The following MICAL2 variants were observed in gnomAD, a reference collection of about 807,000 sequenced individuals.
MICAL2 encodes the protein microtubule associated monooxygenase, calponin and LIM domain containing 2, also known as [F-actin]-monooxygenase MICAL2.
MICAL2 carries 77 observed loss-of-function variants against 127.3 expected under a neutral mutation model. That is an observed-to-expected ratio of 0.60 (90% CI 0.50 to 0.73). The LOEUF is 0.73. Ranked by LOEUF, MICAL2 falls within the 30% of genes least tolerant of loss-of-function variation. The probability of loss-of-function intolerance (pLI) is 0.00; values close to 1 mark genes in which losing one functional copy is unlikely to be tolerated. For missense variants in MICAL2, 1,351 were observed against 1,434.4 expected, an observed-to-expected ratio of 0.94 and a Z score of 0.94; for synonymous variants, 570 against 551.1, an observed-to-expected ratio of 1.03 and a Z score of -0.48.
At chr11:12,242,871 C>A in intron 20 of MICAL2, 99 bp downstream of exon 20, 2 of 791,338 alleles carry the variant, frequency 2.5e-6, no homozygotes, top group South Asian at 3.9e-5. Flanking sequence ...CCTCCTTCCT[C>A]CTTTTAGAGC....
chr11:12,236,451 C>T (rs942236693), intron 16 of MICAL2, among the ~76,000 whole-genome samples: 2 of 152,218 alleles, frequency 1.3e-5, no homozygotes, highest in African/African-American at 4.8e-5. Context: ...GAAACACAAC[C>T]TCCCAGGATG....
At chr11:12,235,593 T>G (rs1475136119) in intron 15 of MICAL2, among the ~76,000 whole-genome samples, 1 of 152,242 alleles carries the variant, frequency 6.6e-6, no homozygotes, top group Admixed American at 6.5e-5. Flanking sequence ...TAAAATATTG[T>G]TTACTAGGAT....
intron 5 of MICAL2, among the ~76,000 whole-genome samples, chr11:12,208,813 T>G (rs1565165429): frequency 1.3e-5 from 2 of 152,208 alleles, no homozygotes; most frequent in African/African-American, 2.4e-5. Context: ...GGGACCAGCT[T>G]AGTGTCAGAG....
intron 27 of MICAL2, 84 bp downstream of exon 27, chr11:12,262,621 C>G (rs1863284541): frequency 8.8e-7 from 1 of 1,139,386 alleles, no homozygotes; most frequent in African/African-American, 1.5e-5. Context: ...GCCAGCAGTA[C>G]TGGTTGCACT....
At chr11:12,349,072 A>G (rs1939002074) in intron 32 of MICAL2, among the ~76,000 whole-genome samples, 1 of 152,174 alleles carries the variant, frequency 6.6e-6, no homozygotes, top group South Asian at 2.1e-4. Flanking sequence ...TCCTTCTAGG[A>G]TGACCATGAG....
intron 2 of MICAL2, 68 bp from the exon 3 acceptor site, chr11:12,162,011 C>A: frequency 1.9e-6 from 2 of 1,068,256 alleles, no homozygotes; most frequent in Admixed American, 2.6e-5. Context: ...ATTTTTACTT[C>A]TCAGCACCCA....
At chr11:12,243,818 G>A (rs957709443) in intron 20 of MICAL2, among the ~76,000 whole-genome samples, 169 bp from the exon 21 acceptor site, 27 of 152,228 alleles carry the variant, frequency 1.8e-4, no homozygotes, top group Non-Finnish European at 3.2e-4. Flanking sequence ...CCAGGAGCCA[G>A]ATAATCCTTT....
At chr11:12,137,105 C>T (rs143293247) in intron 1 of MICAL2, among the ~76,000 whole-genome samples, 2 of 152,350 alleles carry the variant, frequency 1.3e-5, no homozygotes, top group Non-Finnish European at 2.9e-5. Flanking sequence ...GAAGCAGCAG[C>T]ACCGAGCCTG....
chr11:12,259,672 G>C (rs1267443615), intron 25 of MICAL2, 123 bp from the exon 26 acceptor site: 6 of 872,670 alleles, frequency 6.9e-6, no homozygotes. Flanking sequence ...TCGGGGGGCT[G>C]AGATTATTGT....
intron 30 of MICAL2, among the ~76,000 whole-genome samples, chr11:12,322,534 G>A (rs1864310128): frequency 1.3e-5 from 2 of 152,268 alleles, no homozygotes; most frequent in East Asian, 3.9e-4. Context: ...ATAGCCTGTA[G>A]GCACCAAGCT....
intron 1 of MICAL2, among the ~76,000 whole-genome samples, chr11:12,113,029 G>A (rs1849723302): frequency 1.3e-5 from 2 of 152,094 alleles, no homozygotes; most frequent in Non-Finnish European, 2.9e-5. Context: ...CCTTGGCTCT[G>A]GCAGGACGGG....
chr11:12,338,814 G>A (rs61317130), intron 32 of MICAL2, among the ~76,000 whole-genome samples: 4 of 152,134 alleles, frequency 2.6e-5, no homozygotes, highest in East Asian at 1.9e-4. Flanking sequence ...GAGTTTCTGC[G>A]GAGAGATCAG....
At chr11:12,297,608 A>G (rs531496836) in intron 29 of MICAL2, among the ~76,000 whole-genome samples, 7 of 152,178 alleles carry the variant, frequency 4.6e-5, no homozygotes, top group Admixed American at 2.6e-4. Flanking sequence ...AAGTTTGTAG[A>G]AGAATTTTCT....
intron 30 of MICAL2, among the ~76,000 whole-genome samples, chr11:12,322,555 A>C (rs934261859): frequency 6.6e-6 from 1 of 152,200 alleles, no homozygotes; most frequent in African/African-American, 2.4e-5. Context: ...AGCTACGACA[A>C]TTTTTAAATT....
At chr11:12,170,114 C>T (rs7949113) in intron 3 of MICAL2, among the ~76,000 whole-genome samples, 43,925 of 151,980 alleles carry the variant, frequency 0.29, 6,621 homozygotes, top group East Asian at 0.56. Flanking sequence ...TTGCGTGGTG[C>T]TTTACAGCTC....
chr11:12,348,975 C>T (rs999793632), intron 32 of MICAL2, among the ~76,000 whole-genome samples: 12 of 152,134 alleles, frequency 7.9e-5, no homozygotes, highest in East Asian at 1.9e-4. Flanking sequence ...AGCAGAGGTT[C>T]GGAGAAGTTA....
At chr11:12,179,730 G>C (rs2133937379) in intron 3 of MICAL2, among the ~76,000 whole-genome samples, 1 of 151,016 alleles carries the variant, frequency 6.6e-6, no homozygotes, top group Non-Finnish European at 1.5e-5. Flanking sequence ...CTGCTCTCGA[G>C]GGCTGCCTGG....
At chr11:12,205,070 C>T (rs1473100213) in intron 4 of MICAL2, among the ~76,000 whole-genome samples, 1 of 152,076 alleles carries the variant, frequency 6.6e-6, no homozygotes, top group Non-Finnish European at 1.5e-5. Context: ...AAAATATGAG[C>T]TTTAAAAAGA....
intron 3 of MICAL2, among the ~76,000 whole-genome samples, chr11:12,168,808 G>A (rs1000783178): frequency 5.3e-5 from 8 of 151,944 alleles, no homozygotes; most frequent in Non-Finnish European, 7.4e-5. Flanking sequence ...TGAGGGTGGT[G>A]CACCCCACCG....
Sources: gnomAD v4.1 joint callset for allele counts (sites outside exome capture counted in the v4.1 genomes callset) on GRCh38, gnomAD v4.1.1 for gene constraint, MANE v1.5 for transcripts, NCBI Gene and HGNC (gene_info 2026-07-23, HGNC 2026-07-21) for gene names.